The following SFXN5 variants were observed in gnomAD, a reference collection of about 807,000 sequenced individuals.
SFXN5 encodes sideroflexin 5, also known as sideroflexin-5.
In SFXN5, 43 loss-of-function variants were observed where a neutral mutation model predicts 50.2. The ratio of observed to expected loss-of-function variants is 0.86; its 90% CI spans 0.67 to 1.11. SFXN5 has a LOEUF of 1.11. SFXN5 is among the 50% of genes least tolerant of loss of function. The probability of loss-of-function intolerance (pLI) is 0.00; values close to 1 mark genes in which losing one functional copy is unlikely to be tolerated. For synonymous variants in SFXN5, 203 were observed against 185.8 expected (o/e 1.09, Z -0.75); for missense variants, 463 against 454.1 (o/e 1.02, Z -0.18).
At chr2:72,968,385 T>TTCCCCCTCCCTC in intron 12 of SFXN5, 63 bp downstream of exon 12, 3 of 1,432,528 alleles carry the variant, frequency 2.1e-6, no homozygotes, top group Admixed American at 1.8e-5. Flanking sequence ...GGCCAGCCGG[T>TTCCCCCTCCCTC]TCCCCCTCCC....
intron 6 of SFXN5, among the ~76,000 whole-genome samples, chr2:73,003,149 CA>C (rs1167088520): frequency 4.8e-5 from 7 of 144,910 alleles, no homozygotes; most frequent in African/African-American, 1.0e-4. Flanking sequence ...GGGGATGGGA[CA>C]GGGGGGTGGG....
intron 13 of SFXN5, among the ~76,000 whole-genome samples, chr2:72,951,540 C>T (rs2105332137): frequency 6.6e-6 from 1 of 152,318 alleles, no homozygotes; most frequent in Non-Finnish European, 1.5e-5. Flanking sequence ...CACACACCTG[C>T]AGCCAGGCCA....
chr2:73,059,047 A>AG, intron 1 of SFXN5: 1 of 997,428 alleles, frequency 1.0e-6, no homozygotes, highest in Non-Finnish European at 1.2e-6. Context: ...CTCTGCCTCC[A>AG]GGGGGGATCC....
At chr2:73,006,477 C>T (rs1278409351) in intron 6 of SFXN5, among the ~76,000 whole-genome samples, 1 of 152,088 alleles carries the variant, frequency 6.6e-6, no homozygotes, top group African/African-American at 2.4e-5. Context: ...CAAAAACTAG[C>T]TGAGGGTGGT....
intron 9 of SFXN5, among the ~76,000 whole-genome samples, chr2:72,990,014 AG>A (rs1672389292): frequency 6.6e-6 from 1 of 152,202 alleles, no homozygotes; most frequent in Admixed American, 6.5e-5. Flanking sequence ...GAGGACGCAG[AG>A]CCTTGGGAAG....
chr2:72,987,480 G>C (rs760991522), intron 10 of SFXN5, among the ~76,000 whole-genome samples: 5 of 151,996 alleles, frequency 3.3e-5, no homozygotes, highest in Non-Finnish European at 5.9e-5. Flanking sequence ...ATTAGTGACC[G>C]GGCATGGTGG....
chr2:72,951,862 A>AC (rs1044559206), intron 13 of SFXN5, among the ~76,000 whole-genome samples: 1 of 152,152 alleles, frequency 6.6e-6, no homozygotes, highest in Non-Finnish European at 1.5e-5. Flanking sequence ...CACCTGGCTG[A>AC]CCCTGTGTGC....
intron 2 of SFXN5, among the ~76,000 whole-genome samples, chr2:73,057,393 CT>C (rs1682287823): frequency 6.6e-6 from 1 of 152,136 alleles, no homozygotes; most frequent in African/African-American, 2.4e-5. Flanking sequence ...CTGCCTCAGC[CT>C]CCCAAAGTGA....
At chr2:73,070,863 T>TG (rs1016290434) in intron 1 of SFXN5, 2,421 of 151,312 alleles carry the variant, frequency 0.016, 43 homozygotes, top group African/African-American at 0.047. Context: ...AGGAAGAGGC[T>TG]GGGGGGGGGT....
chr2:73,018,451 A>C (rs1676437785), intron 6 of SFXN5, among the ~76,000 whole-genome samples: 1 of 152,160 alleles, frequency 6.6e-6, no homozygotes, highest in Non-Finnish European at 1.5e-5. Flanking sequence ...ATTTTTACCC[A>C]CTGAATAAAA....
intron 6 of SFXN5, among the ~76,000 whole-genome samples, chr2:73,013,652 G>T (rs1252059907): frequency 1.3e-5 from 2 of 151,926 alleles, no homozygotes; most frequent in Non-Finnish European, 1.5e-5. Flanking sequence ...TAAAAATAGA[G>T]ATGTGAATAA....
At chr2:73,047,234 AAAAAAAAAAAAATATATATATATAT>A (rs1680475608) in intron 2 of SFXN5, among the ~76,000 whole-genome samples, 1 of 66,740 alleles carries the variant, frequency 1.5e-5, no homozygotes, top group East Asian at 4.9e-4. Flanking sequence ...AAAAAAAAAA[AAAAAAAAAAAAATATATATATATAT>A]ATATATATAT....
chr2:73,003,973 T>C (rs548650482), intron 6 of SFXN5, among the ~76,000 whole-genome samples: 1 of 152,344 alleles, frequency 6.6e-6, no homozygotes, highest in East Asian at 1.9e-4. Flanking sequence ...TTGACTGATT[T>C]GATTTTGCCA....
At chr2:72,962,609 C>T (rs1673873308) in intron 12 of SFXN5, among the ~76,000 whole-genome samples, 1 of 152,168 alleles carries the variant, frequency 6.6e-6, no homozygotes, top group African/African-American at 2.4e-5. Context: ...TCTGATAAAC[C>T]CTGGCCCTGG....
At chr2:72,963,615 C>A in intron 12 of SFXN5, among the ~76,000 whole-genome samples, 1 of 152,078 alleles carries the variant, frequency 6.6e-6, no homozygotes, top group Admixed American at 6.5e-5. Context: ...GAGAGATGTG[C>A]GAATGCCTGG....
In SFXN5 at chr2:73,020,278, GAA is replaced by G. The variant is rs1285326954; in HGVS notation, c.332-16_332-15del. 1 of 1,614,006 alleles carries G rather than the reference GAA, an allele frequency of 6.2e-7. No homozygotes were observed. Among genetic ancestry groups the G allele is most frequent in the East Asian group, 2.2e-5 (1 of 44,878 alleles). ...AAGGAATATAACCTGTGAACGAGAAGAAAAGAGTCAGGCCTTATAATCCACTC... is the reference window on the plus strand; with the variant it reads ...AAGGAATATAACCTGTGAACGAGAAGAAGAGTCAGGCCTTATAATCCACTC... On this transcript the variant is annotated splice_polypyrimidine_tract_variant and intron_variant, in intron 5 of 13. Transcript: ENST00000272433.
intron 2 of SFXN5, chr2:73,049,420 T>C (rs533611527): frequency 6.6e-6 from 1 of 152,202 alleles, no homozygotes; most frequent in Non-Finnish European, 1.5e-5. Context: ...CCCAGCTAAT[T>C]TTTGAAAAAT....
At chr2:73,007,669 T>C (rs987080251) in intron 6 of SFXN5, among the ~76,000 whole-genome samples, 1 of 152,160 alleles carries the variant, frequency 6.6e-6, no homozygotes, top group South Asian at 2.1e-4. Flanking sequence ...CAAGTGTCTT[T>C]ACATCTCATC....
intron 13 of SFXN5, among the ~76,000 whole-genome samples, chr2:72,955,058 C>A (rs1277203998): frequency 6.6e-6 from 1 of 152,212 alleles, no homozygotes; most frequent in East Asian, 1.9e-4. Flanking sequence ...CACGGGACAG[C>A]CCCTCCACCC....
Sources: allele counts gnomAD v4.1 joint callset (sites outside exome capture counted in the v4.1 genomes callset), GRCh38; gene constraint gnomAD v4.1.1; transcripts MANE v1.5; gene names NCBI Gene and HGNC (gene_info 2026-07-23, HGNC 2026-07-21).